NOTCH2: variants seen among roughly 807,000 people sequenced by gnomAD.
NOTCH2 encodes neurogenic locus notch homolog protein 2.
NOTCH2 carries 29 observed loss-of-function variants against 235.8 expected under a neutral mutation model. That is an observed-to-expected ratio of 0.12 (90% CI 0.09 to 0.17). The LOEUF (loss-of-function observed/expected upper bound fraction) is 0.17. Ranked by LOEUF, NOTCH2 falls within the 10% of genes least tolerant of loss-of-function variation. NOTCH2 has a pLI of 1.00. For missense variants in NOTCH2, 2,285 were observed against 3,150.2 expected, an observed-to-expected ratio of 0.73 and a Z score of 6.57; for synonymous variants, 1,086 against 1,141.5, an observed-to-expected ratio of 0.95 and a Z score of 0.98.
intron 21 of NOTCH2, 127 bp downstream of exon 21, chr1:119,937,155 C>T (rs782418657): frequency 1.8e-5 from 17 of 936,900 alleles, no homozygotes; most frequent in African/African-American, 4.9e-5. Flanking sequence ...AACATTATGA[C>T]GGGGATTGGT....
chr1:119,936,184 C>T (rs72697239), intron 21 of NOTCH2, among the ~76,000 whole-genome samples: 8,433 of 152,160 alleles, frequency 0.055, 305 homozygotes, highest in South Asian at 0.17. Flanking sequence ...TTTATTTGGA[C>T]ACTTTGACAG....
At chr1:119,948,323 C>G in intron 17 of NOTCH2, 91 bp downstream of exon 17, 1 of 1,378,432 alleles carries the variant, frequency 7.3e-7, no homozygotes, top group Middle Eastern at 2.5e-4. Context: ...CAATGTCAGG[C>G]GTGAAAGGCG....
chr1:120,066,098 G>C (rs1177060971), intron 1 of NOTCH2, among the ~76,000 whole-genome samples: 3 of 151,994 alleles, frequency 2.0e-5, no homozygotes, highest in African/African-American at 7.3e-5. Context: ...CCCTTCTAAA[G>C]GGTCAATGCA....
chr1:119,935,372 C>G, intron 22 of NOTCH2, 100 bp downstream of exon 22: 1 of 1,611,088 alleles, frequency 6.2e-7, no homozygotes, highest in South Asian at 1.1e-5. Context: ...TGAAGCTAGT[C>G]TTCCTATCTT....
At position 119,915,631 on chromosome 1, in the gene NOTCH2, T is replaced by C; in HGVS notation, c.7091A>G (p.Gln2364Arg). 2 of 1,614,062 alleles carry C rather than the reference T, an allele frequency of 1.2e-6. No individual in the cohort carries two copies. Among genetic ancestry groups the C allele is most frequent in the Non-Finnish European group, 1.7e-6 (2 of 1,180,034 alleles). ...PTAMMPQQDG[Q>R]VAQTILPAYH... Reference sequence around the variant, plus strand: ...GGCTGGGAGAATGGTCTGAGCTACCTGCCCGTCCTGCTGGGGCATCATGGC... The same window carrying C: ...GGCTGGGAGAATGGTCTGAGCTACCCGCCCGTCCTGCTGGGGCATCATGGC... The change falls in exon 34 of 34, where the codon CAG (glutamine) becomes CGG (arginine). Residue 2364 changes from glutamine (Q) to arginine (R), a missense_variant. Gln to Arg is a conservative substitution (Grantham distance 43). Transcript: ENST00000256646.
In NOTCH2 at chr1:119,914,372, TA is replaced by T; in HGVS notation, c.*933del. On this transcript the variant is annotated 3_prime_UTR_variant, in exon 34 of 34. Transcript: ENST00000256646. ...AACATTCCAAACCTTTTTCTGGTTT[TA>T]AAAAAGTGGGGAGGGTCATAGTAAC... The T allele has an allele frequency of 4.3e-6, 1 of 233,068 alleles. No individual in the cohort carries two copies. The highest frequency in any genetic ancestry group is 1.8e-4 in the South Asian group (1 of 5,524). 14.4% of individuals were successfully genotyped at this position (233,068 alleles called of 1,614,324 possible).
At chr1:119,988,541 C>T (rs983571579) in intron 4 of NOTCH2, among the ~76,000 whole-genome samples, 4 of 152,082 alleles carry the variant, frequency 2.6e-5, no homozygotes, top group African/African-American at 9.7e-5. Flanking sequence ...TACAAATAGA[C>T]CAATGAGCCA....
At chr1:119,928,715 A>G (rs991109816) in intron 23 of NOTCH2, among the ~76,000 whole-genome samples, 12 of 152,240 alleles carry the variant, frequency 7.9e-5, no homozygotes, top group Non-Finnish European at 1.5e-4. Flanking sequence ...TTCAATATAC[A>G]TTGTAAAAAA....
chr1:120,027,936 C>T (rs1456531787), intron 2 of NOTCH2, among the ~76,000 whole-genome samples: 13 of 139,918 alleles, frequency 9.3e-5, no homozygotes, highest in African/African-American at 2.9e-4. Context: ...GCAGTAAACA[C>T]ACATGTGCAT....
chr1:119,958,125 T>C (rs1553198602), intron 12 of NOTCH2, among the ~76,000 whole-genome samples: 2 of 152,218 alleles, frequency 1.3e-5, no homozygotes, highest in African/African-American at 2.4e-5. Context: ...TTATCAACAA[T>C]GTACCTATTA....
intron 23 of NOTCH2, among the ~76,000 whole-genome samples, chr1:119,926,945 T>C (rs1481931630): frequency 6.6e-6 from 1 of 152,196 alleles, no homozygotes; most frequent in Non-Finnish European, 1.5e-5. Flanking sequence ...CTTTCATAAG[T>C]TGCAAAAAAA....
intron 10 of NOTCH2, among the ~76,000 whole-genome samples, chr1:119,965,175 A>G (rs192137307): frequency 1.1e-4 from 16 of 152,338 alleles, no homozygotes; most frequent in Non-Finnish European, 1.3e-4. Flanking sequence ...TAAATGAGTC[A>G]ATCTAGCCAG....
intron 5 of NOTCH2, among the ~76,000 whole-genome samples, chr1:119,986,670 A>G (rs951069047): frequency 6.6e-6 from 1 of 152,202 alleles, no homozygotes; most frequent in African/African-American, 2.4e-5. Flanking sequence ...CTTTTCCCAG[A>G]TAATAAGCTT....
At chr1:119,916,830 G>C (rs930932674) in intron 33 of NOTCH2, 136 bp from the exon 34 acceptor site, 85 of 862,046 alleles carry the variant, frequency 9.9e-5, no homozygotes, top group Non-Finnish European at 1.5e-4. Flanking sequence ...TAACACCACA[G>C]ATAGGCTGTG....
chr1:119,937,032 T>C (rs1406097086), intron 21 of NOTCH2, among the ~76,000 whole-genome samples: 1 of 152,142 alleles, frequency 6.6e-6, no homozygotes, highest in Non-Finnish European at 1.5e-5. Flanking sequence ...GACTCTTGGC[T>C]CTGAATCCTA....
chr1:119,985,856 C>G (rs994720948), intron 5 of NOTCH2, among the ~76,000 whole-genome samples: 2 of 150,982 alleles, frequency 1.3e-5, no homozygotes, highest in South Asian at 2.2e-4. Flanking sequence ...GATCAAGACA[C>G]CATGAAGAAA....
intron 22 of NOTCH2, 81 bp downstream of exon 22, chr1:119,935,391 T>C (rs1553195605): frequency 6.2e-7 from 1 of 1,612,650 alleles, no homozygotes; most frequent in Non-Finnish European, 8.5e-7. Flanking sequence ...TTTAATTTTA[T>C]AAAATCCCCT....
At position 119,959,450 on chromosome 1, in the gene NOTCH2, A is replaced by T. The variant is rs1650853547; in HGVS notation, c.1968T>A (p.His656Gln). The T allele has an allele frequency of 6.2e-7, 1 of 1,612,528 alleles. No homozygotes were observed. Among genetic ancestry groups the T allele is most frequent in the African/African-American group, 1.3e-5 (1 of 74,872 alleles). Residue 656 changes from histidine to glutamine, a missense_variant, in exon 12 of 34, where the codon CAT becomes CAA. By Grantham distance (24) the His-to-Gln change is conservative. This residue lies in a region of NOTCH2 where 431 missense variants were observed against 757.8 expected (regional missense o/e 0.57). Transcript: ENST00000256646. ...FDDCASNPCI[H>Q]GICMDGINRY... ...GATTAATGCCATCCATACAGATTCC[A>T]TGGATACAAGGGTTACTTGCACAGT...
intron 1 of NOTCH2, among the ~76,000 whole-genome samples, chr1:120,037,112 AT>A (rs1176752475): frequency 1.3e-5 from 2 of 151,888 alleles, no homozygotes; most frequent in African/African-American, 4.8e-5. Context: ...ATCTCACATG[AT>A]TTTTTTCATA....
Sources: gnomAD v4.1 joint callset for allele counts (sites outside exome capture counted in the v4.1 genomes callset) on GRCh38, gnomAD v4.1.1 for gene constraint, gnomAD v4.1.1 regional missense constraint, MANE v1.5 for transcripts, NCBI Gene and HGNC (gene_info 2026-07-23, HGNC 2026-07-21) for gene names.